Variants in CFAP44 observed in about 807,000 individuals in gnomAD.
CFAP44 encodes the protein cilia- and flagella-associated protein 44.
Under a neutral mutation model 216.2 loss-of-function variants are expected in CFAP44, and 134 were observed. The observed-to-expected ratio is 0.62, with a 90% confidence interval of 0.54 to 0.72. CFAP44 has a LOEUF of 0.72. Among genes scored for constraint, CFAP44 ranks in the 30% least tolerant of loss-of-function variants. The pLI, the probability that CFAP44 is intolerant of heterozygous loss-of-function variation, is 0.00. For synonymous variants in CFAP44, 700 were observed against 727.6 expected (o/e 0.96, Z 0.61); for missense variants, 2,035 against 2,182.1 (o/e 0.93, Z 1.34).
intron 15 of CFAP44, among the ~76,000 whole-genome samples, chr3:113,386,088 G>A (rs1431813129): frequency 6.6e-6 from 1 of 152,016 alleles, no homozygotes; most frequent in Non-Finnish European, 1.5e-5. Context: ...TCTGAGGTGG[G>A]ATGTATATAT....
chr3:113,396,778 T>C (rs747945567), intron 13 of CFAP44, 51 bp from the exon 14 acceptor site: 76 of 1,536,798 alleles, frequency 4.9e-5, no homozygotes, highest in Non-Finnish European at 6.6e-5. Flanking sequence ...ATTGAGAAAG[T>C]TGTACTATAT....
At chr3:113,346,709 G>GC (rs1274445220) in intron 22 of CFAP44, among the ~76,000 whole-genome samples, 7 of 152,172 alleles carry the variant, frequency 4.6e-5, no homozygotes, top group African/African-American at 1.2e-4. Flanking sequence ...GATTGTAAAG[G>GC]CACCAATCCG....
In CFAP44 at chr3:113,366,257, A is replaced by G; in HGVS notation, c.2497T>C (p.Tyr833His). ...GAAGGATCATTTTGATTTAGGACAT[A>G]GACTCGAATTGCTCCATTTTTCATT... Reference protein sequence around the residue: ...CGMKNGAIRVYVLNQNDPSLT... With the variant: ...CGMKNGAIRVHVLNQNDPSLT... Residue 833 changes from tyrosine to histidine, a missense_variant, in exon 19 of 35, where the codon TAT becomes CAT. Coordinates refer to ENST00000393845, the MANE Select transcript of CFAP44 (RefSeq NM_001164496.2). 3 of 1,612,564 alleles carry G rather than the reference A, an allele frequency of 1.9e-6. No individual in the cohort carries two copies. Among genetic ancestry groups the G allele is most frequent in the Non-Finnish European group, 2.5e-6 (3 of 1,178,912 alleles).
chr3:113,426,575 G>T, intron 3 of CFAP44: 1 of 271,584 alleles, frequency 3.7e-6, no homozygotes, highest in South Asian at 6.9e-5. Flanking sequence ...AGTTTCCTGA[G>T]GCCTCCCCAG....
intron 15 of CFAP44, among the ~76,000 whole-genome samples, chr3:113,382,714 G>A (rs1933546432): frequency 6.6e-6 from 1 of 152,208 alleles, no homozygotes; most frequent in Non-Finnish European, 1.5e-5. Context: ...TAAGTAGGAA[G>A]GGAGACAGCT....
intron 4 of CFAP44, among the ~76,000 whole-genome samples, chr3:113,424,543 G>T (rs1213809366): frequency 6.6e-6 from 1 of 152,154 alleles, no homozygotes; most frequent in African/African-American, 2.4e-5. Context: ...AATACCTGAT[G>T]GCTGACTTGT....
intron 24 of CFAP44, among the ~76,000 whole-genome samples, chr3:113,337,659 A>G (rs530715194): frequency 6.6e-6 from 1 of 152,292 alleles, no homozygotes; most frequent in South Asian, 2.1e-4. Context: ...AATATGTCCA[A>G]ATGATTTCTG....
At chr3:113,390,420 C>A (rs375533322) in intron 15 of CFAP44, among the ~76,000 whole-genome samples, 4 of 152,106 alleles carry the variant, frequency 2.6e-5, no homozygotes. Flanking sequence ...GAAAGCCTTT[C>A]CTCTAAGATC....
chr3:113,292,696 A>G (rs1359208929), intron 34 of CFAP44, among the ~76,000 whole-genome samples: 3 of 152,224 alleles, frequency 2.0e-5, no homozygotes, highest in Non-Finnish European at 2.9e-5. Context: ...AGGTTGCCTG[A>G]TGCTAAAAGT....
intron 26 of CFAP44, 87 bp from the exon 27 acceptor site, chr3:113,327,906 T>C (rs906126280): frequency 1.6e-6 from 2 of 1,217,426 alleles, no homozygotes; most frequent in Non-Finnish European, 2.2e-6. Context: ...TTGTATGAAG[T>C]CATTTTTTAT....
At chr3:113,330,025 A>T in intron 26 of CFAP44, 143 bp downstream of exon 26, 1 of 970,666 alleles carries the variant, frequency 1.0e-6, no homozygotes, top group Non-Finnish European at 1.4e-6. Context: ...GAGGAAGCCA[A>T]GCCATCACTG....
chr3:113,333,441 T>C lies in CFAP44; in HGVS notation c.3580A>G (p.Lys1194Glu), dbSNP rs1382561279. The C allele has an allele frequency of 6.5e-7, 1 of 1,536,918 alleles. No individual in the cohort carries two copies. The highest frequency in any genetic ancestry group is 8.7e-7 in the Non-Finnish European group (1 of 1,146,800). Reference sequence around the variant, plus strand: ...AGGTGTCCTAGTTCCTCTTCCTTCTTGGCAGCATTTATTCTCATGTGCTCA... The same window carrying C: ...AGGTGTCCTAGTTCCTCTTCCTTCTCGGCAGCATTTATTCTCATGTGCTCA... The part of the protein sequence containing the change: ...IPEHMRINAA[K>E]KEEELGHLDS... The change falls in exon 25 of 35, where the codon AAG becomes GAG. Residue 1194 changes from lysine to glutamate, a missense_variant. Physicochemically the swap from Lys to Glu is moderately conservative, Grantham distance 56. This residue lies in a region of CFAP44 where 1,883 missense variants were observed against 2,023.7 expected (regional missense o/e 0.93). Coordinates refer to ENST00000393845, the MANE Select transcript of CFAP44 (RefSeq NM_001164496.2).
Position 113,328,695 on chromosome 3 carries a change from TTAAAAA to T in CFAP44, c.4117-882_4117-877del, listed in dbSNP as rs1364866627. Among the ~76,000 whole-genome samples, 38 of 72,332 alleles carry T rather than the reference TTAAAAA, an allele frequency of 5.3e-4. 2 individuals are homozygous for T. Among genetic ancestry groups the T allele is most frequent in the South Asian group, 1.0e-3 (2 of 2,006 alleles). The allele number at this position is 72,332 out of a possible 152,430, so 47.5% of individuals were successfully genotyped here. On this transcript the variant is annotated intron_variant, in intron 26 of 34. Coordinates refer to ENST00000393845, the MANE Select transcript of CFAP44 (RefSeq NM_001164496.2). ...AAACTACCAGAGAAATTTAGAGAGC[TTAAAAA>T]AAAAAAAAAAAAAAAAAAAAAAAAA...
At chr3:113,365,715 G>C (rs1448866870) in intron 19 of CFAP44, among the ~76,000 whole-genome samples, 2 of 151,662 alleles carry the variant, frequency 1.3e-5, no homozygotes, top group Non-Finnish European at 2.9e-5. Flanking sequence ...AAAAGCAAAA[G>C]AAAATCTGAA....
chr3:113,332,877 G>C (rs1950252416), intron 25 of CFAP44, among the ~76,000 whole-genome samples: 2 of 152,206 alleles, frequency 1.3e-5, no homozygotes, highest in South Asian at 4.1e-4. Flanking sequence ...CATCCAATGA[G>C]GATTTGTTTG....
At chr3:113,334,852 G>T (rs1046697922) in intron 24 of CFAP44, among the ~76,000 whole-genome samples, 34 of 152,156 alleles carry the variant, frequency 2.2e-4, no homozygotes, top group African/African-American at 8.2e-4. Context: ...ACTAATAAAA[G>T]GCCCTTCATT....
chr3:113,353,167 T>C (rs1950460942), intron 22 of CFAP44, among the ~76,000 whole-genome samples: 1 of 152,130 alleles, frequency 6.6e-6, no homozygotes, highest in African/African-American at 2.4e-5. Flanking sequence ...TTAAGAGTGA[T>C]GTCTGTATGT....
In CFAP44 at chr3:113,287,635, C is replaced by A. The variant is rs16845106; in HGVS notation, c.*3922G>T. The A allele has an allele frequency of 0.051, 7,764 of 152,520 alleles. 261 individuals carry two copies. The highest frequency in any genetic ancestry group is 0.099 in the East Asian group (513 of 5,178). 9.4% of individuals were successfully genotyped at this position (152,520 alleles called of 1,614,324 possible). ...AGTGAATGTCAGTTGTGCTTGGATTCATGCAGAACACATTACCGTTTAGTC... is the reference window on the plus strand; with the variant it reads ...AGTGAATGTCAGTTGTGCTTGGATTAATGCAGAACACATTACCGTTTAGTC... On this transcript the variant is annotated 3_prime_UTR_variant, in exon 35 of 35. Coordinates refer to ENST00000393845, the MANE Select transcript of CFAP44 (RefSeq NM_001164496.2).
chr3:113,287,052 G>C lies in CFAP44; in HGVS notation c.*4505C>G. 1 of 721,200 alleles carries C rather than the reference G, an allele frequency of 1.4e-6. No individual in the cohort carries two copies. Among genetic ancestry groups the C allele is most frequent in the South Asian group, 1.5e-5 (1 of 68,074 alleles). The allele number at this position is 721,200 out of a possible 1,614,324, so 44.7% of individuals were successfully genotyped here. On this transcript the variant is annotated 3_prime_UTR_variant, in exon 35 of 35. Transcript: ENST00000393845. The stretch of plus-strand genomic sequence containing the variant: ...TAAGGAGTCCTACCCGTTGAGGTTG[G>C]AGAGGGAAAATAAAGAAGCTGCCAC...
Sources: allele counts gnomAD v4.1 joint callset (sites outside exome capture counted in the v4.1 genomes callset), GRCh38; gene constraint gnomAD v4.1.1; regional missense constraint gnomAD v4.1.1; transcripts MANE v1.5; gene names NCBI Gene and HGNC (gene_info 2026-07-23, HGNC 2026-07-21).